Variants in NFIX observed in about 807,000 individuals in gnomAD.
The protein encoded by NFIX is nuclear factor I X, also known as nuclear factor 1 X-type.
NFIX carries 2 observed loss-of-function variants against 53.3 expected under a neutral mutation model. The ratio of observed to expected loss-of-function variants is 0.04; its 90% CI spans 0.02 to 0.12. The LOEUF is 0.12. NFIX is among the 10% of genes least tolerant of loss of function. NFIX has a pLI of 1.00. For synonymous variants in NFIX, 244 were observed against 289.0 expected (o/e 0.84, Z 1.58); for missense variants, 310 against 674.5 (o/e 0.46, Z 5.99).
chr19:13,019,900 C>T (rs1413873876), intron 1 of NFIX, among the ~76,000 whole-genome samples: 1 of 151,776 alleles, frequency 6.6e-6, no homozygotes, highest in African/African-American at 2.4e-5. Flanking sequence ...AATACCTTTC[C>T]CCCACAATGT....
At chr19:13,018,489 G>A (rs1281619158) in intron 1 of NFIX, among the ~76,000 whole-genome samples, 1 of 152,242 alleles carries the variant, frequency 6.6e-6, no homozygotes, top group Non-Finnish European at 1.5e-5. Flanking sequence ...CCTTTCCTGA[G>A]CAGAGGAAAA....
At chr19:13,087,774 C>CAAAAAAAAAAAAAAA (rs1157966190) in intron 8 of NFIX, among the ~76,000 whole-genome samples, 4 of 26,392 alleles carry the variant, frequency 1.5e-4, no homozygotes, top group Non-Finnish European at 2.5e-4. Context: ...AAAAGAGGAC[C>CAAAAAAAAAAAAAAA]AAAAAAAAAA....
chr19:13,044,876 C>T (rs1599776895), intron 2 of NFIX, among the ~76,000 whole-genome samples: 1 of 152,182 alleles, frequency 6.6e-6, no homozygotes, highest in Non-Finnish European at 1.5e-5. Context: ...TAAAAGCCCT[C>T]TGTTTGGATA....
intron 2 of NFIX, among the ~76,000 whole-genome samples, chr19:13,041,613 G>A (rs534836874): frequency 1.3e-5 from 2 of 152,090 alleles, no homozygotes; most frequent in Admixed American, 6.5e-5. Context: ...TGACCAACAC[G>A]GTGAAACCCC....
At chr19:13,079,231 T>G (rs568546084) in intron 7 of NFIX, among the ~76,000 whole-genome samples, 1 of 152,134 alleles carries the variant, frequency 6.6e-6, no homozygotes, top group East Asian at 1.9e-4. Flanking sequence ...GGCAAGTAGC[T>G]ACCTTGTCTG....
chr19:13,050,176 G>GC (rs1406167272), intron 2 of NFIX, among the ~76,000 whole-genome samples: 27 of 152,294 alleles, frequency 1.8e-4, no homozygotes, highest in Admixed American at 1.8e-3. Flanking sequence ...TCTGGGTTGG[G>GC]CCCCTGCTGA....
intron 2 of NFIX, among the ~76,000 whole-genome samples, chr19:13,061,772 A>G (rs910343903): frequency 2.0e-5 from 3 of 152,208 alleles, no homozygotes; most frequent in Admixed American, 6.5e-5. Context: ...ACTTTATAGT[A>G]TATAAAACTC....
At chr19:13,017,286 A>G (rs558046481) in intron 1 of NFIX, among the ~76,000 whole-genome samples, 1 of 152,192 alleles carries the variant, frequency 6.6e-6, no homozygotes, top group Non-Finnish European at 1.5e-5. Flanking sequence ...CACCAGGGAA[A>G]TGTGGATTCT....
At position 13,009,437 on chromosome 19, in the gene NFIX, A is replaced by G. The variant is rs1599713547; in HGVS notation, c.27+13573A>G. Among the ~76,000 whole-genome samples the G allele has an allele frequency of 6.6e-6, 1 of 152,308 alleles. No individual in the cohort carries two copies. Among genetic ancestry groups the G allele is most frequent in the Middle Eastern group, 3.4e-3 (1 of 294 alleles). ...GGTCAAGTGCCAAGGTCATGGGGCT[A>G]GAAGCAGGGTGGTGGGGATTACCCA... On this transcript the variant is annotated intron_variant, in intron 1 of 10. Coordinates refer to ENST00000592199, the MANE Select transcript of NFIX (RefSeq NM_001365902.3). This position sits in a 1 kb window ranked among gnomAD's most constrained non-coding sequence, Gnocchi z 4.7.
intron 1 of NFIX, among the ~76,000 whole-genome samples, chr19:13,018,023 T>G (rs1271514098): frequency 1.3e-5 from 2 of 152,204 alleles, no homozygotes; most frequent in African/African-American, 4.8e-5. Flanking sequence ...GAAGAGAGCT[T>G]TGGCCTTCCT....
At position 13,073,351 on chromosome 19, in the gene NFIX, A is replaced by C. The variant is rs2016881281; in HGVS notation, c.623-71A>C. On this transcript the variant is annotated intron_variant, in intron 3 of 10. Coordinates refer to ENST00000592199, the MANE Select transcript of NFIX (RefSeq NM_001365902.3). The surrounding 1 kb of genome is among the most constrained non-coding windows in gnomAD (Gnocchi z 4.5). Reference sequence around the variant, plus strand: ...TGGGAGGGAGAAGCAACAGTGTGGAAGACCTTTGGAAATAGCCAGGCAGCC... The same window carrying C: ...TGGGAGGGAGAAGCAACAGTGTGGACGACCTTTGGAAATAGCCAGGCAGCC... 1 of 1,319,206 alleles carries C rather than the reference A, an allele frequency of 7.6e-7. No homozygotes were observed. The highest frequency in any genetic ancestry group is 1.1e-6 in the Non-Finnish European group (1 of 911,072). 81.7% of individuals were successfully genotyped at this position (1,319,206 alleles called of 1,614,324 possible). A position where few individuals can be genotyped will look rare whatever the true frequency, so the allele number is the denominator to read the frequency against.
rs892562396 is a variant in NFIX, at chr19:13,037,401, C to A, written c.559+11849C>A. On this transcript the variant is annotated intron_variant, in intron 2 of 10. Transcript: ENST00000592199. The surrounding 1 kb of genome is among the most constrained non-coding windows in gnomAD (Gnocchi z 4.2). Reference sequence around the variant, plus strand: ...TAAGAAATATGTGAGCAATTTGATGCGGATCTCAGAGAGCCTCGTGGAAGT... The same window carrying A: ...TAAGAAATATGTGAGCAATTTGATGAGGATCTCAGAGAGCCTCGTGGAAGT... Among the ~76,000 whole-genome samples the A allele has an allele frequency of 6.6e-6, 1 of 152,168 alleles. No individual in the cohort carries two copies. The highest frequency in any genetic ancestry group is 2.4e-5 in the African/African-American group (1 of 41,442).
intron 2 of NFIX, among the ~76,000 whole-genome samples, chr19:13,062,570 C>T (rs531280959): frequency 6.6e-6 from 1 of 152,214 alleles, no homozygotes; most frequent in Non-Finnish European, 1.5e-5. Flanking sequence ...GGCCTGGTGG[C>T]CAGGTCTCTG....
At position 13,049,012 on chromosome 19, in the gene NFIX, G is replaced by T. The variant is rs931762458; in HGVS notation, c.559+23460G>T. On this transcript the variant is annotated intron_variant, in intron 2 of 10. Coordinates refer to ENST00000592199, the MANE Select transcript of NFIX (RefSeq NM_001365902.3). This position sits in a 1 kb window ranked among gnomAD's most constrained non-coding sequence, Gnocchi z 4.5. ...GAATCACTTGAGCTCAGGAGGCAGA[G>T]GTTGCAGTGAGACAAGATCGCGTCA... Among the ~76,000 whole-genome samples, 5 of 152,178 alleles carry T rather than the reference G, an allele frequency of 3.3e-5. No individual in the cohort carries two copies. Among genetic ancestry groups the T allele is most frequent in the Admixed American group, 1.3e-4 (2 of 15,284 alleles).
chr19:13,015,977 A>G (rs1043950575), intron 1 of NFIX, among the ~76,000 whole-genome samples: 2 of 152,254 alleles, frequency 1.3e-5, no homozygotes, highest in African/African-American at 4.8e-5. Context: ...TCTAAGCCAT[A>G]TAAATTATGA....
intron 2 of NFIX, among the ~76,000 whole-genome samples, chr19:13,065,900 G>A (rs2016371315): frequency 6.6e-6 from 1 of 152,182 alleles, no homozygotes; most frequent in Admixed American, 6.5e-5. Context: ...GGAGGTGGGA[G>A]TTCTATTGTT....
At chr19:13,053,790 G>A (rs2015474721) in intron 2 of NFIX, among the ~76,000 whole-genome samples, 1 of 152,168 alleles carries the variant, frequency 6.6e-6, no homozygotes, top group Non-Finnish European at 1.5e-5. Context: ...TCTGGGGCCT[G>A]ATAGAAGAAC....
rs984278343 is a variant in NFIX at position 13,002,894 on chromosome 19, C to T, written c.27+7030C>T. 6.6e-6 allele frequency among the ~76,000 whole-genome samples: 1 copy of T among 152,154 alleles called. No individual in the cohort carries two copies. Among genetic ancestry groups the T allele is most frequent in the Non-Finnish European group, 1.5e-5 (1 of 67,998 alleles). On this transcript the variant is annotated intron_variant, in intron 1 of 10. Transcript: ENST00000592199. The surrounding 1 kb of genome is among the most constrained non-coding windows in gnomAD (Gnocchi z 6.1). ...CCCCTCAGCTGAAGCTCAGTGCCAG[C>T]CTTCCTGGCACAGATCGGGCAAGAG...
At chr19:13,010,462 C>T (rs2012277890) in intron 1 of NFIX, among the ~76,000 whole-genome samples, 1 of 152,272 alleles carries the variant, frequency 6.6e-6, no homozygotes, top group African/African-American at 2.4e-5. Flanking sequence ...TGCCCTTGCC[C>T]GGCGCCCCCA....
Sources: gnomAD v4.1 joint callset for allele counts (sites outside exome capture counted in the v4.1 genomes callset) on GRCh38, gnomAD v4.1.1 for gene constraint, Gnocchi (gnomAD v3.1) non-coding constraint, MANE v1.5 for transcripts, NCBI Gene and HGNC (gene_info 2026-07-23, HGNC 2026-07-21) for gene names.